Variants in KIF18B observed in about 807,000 individuals in gnomAD.
KIF18B encodes kinesin-like protein KIF18B.
A neutral mutation model predicts 80.9 loss-of-function variants in KIF18B; 49 were observed. The observed-to-expected ratio is 0.61, with a 90% CI of 0.48 to 0.77. The LOEUF is 0.77. KIF18B is among the 30% of genes least tolerant of loss of function. KIF18B has a pLI of 0.00. For synonymous variants in KIF18B, 439 were observed against 463.9 expected, an observed-to-expected ratio of 0.95 and a Z score of 0.69; for missense variants, 994 against 1,127.7, an observed-to-expected ratio of 0.88 and a Z score of 1.70.
chr17:44,939,343 C>G (rs2052371516), intron 1 of KIF18B, among the ~76,000 whole-genome samples: 1 of 124,750 alleles, frequency 8.0e-6, no homozygotes, highest in Non-Finnish European at 1.6e-5. Context: ...TGTACTCCAG[C>G]CTGGGTGACA....
chr17:44,938,539 T>C (rs1258486911), intron 1 of KIF18B, among the ~76,000 whole-genome samples: 1 of 152,248 alleles, frequency 6.6e-6, no homozygotes, highest in Non-Finnish European at 1.5e-5. Flanking sequence ...TAAATCCTCT[T>C]CTTATATTTC....
intron 11 of KIF18B, 51 bp downstream of exon 11, chr17:44,931,551 G>A (rs2052146077): frequency 3.7e-6 from 6 of 1,612,692 alleles, no homozygotes; most frequent in South Asian, 2.2e-5. Context: ...CAGGGAGGCT[G>A]AGCCCATTGC....
rs554954873 is a variant in KIF18B at position 44,933,904 on chromosome 17, G to A, written c.1062+19C>T. 6.1e-5 allele frequency: 94 copies of A among 1,542,194 alleles called. No individual in the cohort carries two copies. The highest frequency in any genetic ancestry group is 6.6e-5 in the Non-Finnish European group (75 of 1,143,102). On this transcript the variant is annotated intron_variant, in intron 7 of 15. Transcript: ENST00000593135. The stretch of plus-strand genomic sequence containing the variant: ...GCTGGAGCTGCCCCACGCCCAAGCC[G>A]GCCCTGGCTGGCACGCACCGAGAGC...
At chr17:44,945,396 G>C (rs1191213982) in intron 1 of KIF18B, among the ~76,000 whole-genome samples, 3 of 152,126 alleles carry the variant, frequency 2.0e-5, no homozygotes, top group Non-Finnish European at 2.9e-5. Context: ...GTTCTCTGCT[G>C]TTCTGTCTTA....
intron 1 of KIF18B, among the ~76,000 whole-genome samples, chr17:44,936,579 T>A (rs890943051): frequency 1.3e-4 from 7 of 55,330 alleles, no homozygotes; most frequent in African/African-American, 4.8e-4. Context: ...TCTCTCTCTC[T>A]CTCTCTCTCT....
At chr17:44,946,893 G>T (rs1397044300) in intron 1 of KIF18B, among the ~76,000 whole-genome samples, 1 of 152,004 alleles carries the variant, frequency 6.6e-6, no homozygotes, top group Non-Finnish European at 1.5e-5. Flanking sequence ...GGCCGAAGCG[G>T]CGGATCGCCT....
At chr17:44,926,601 G>C (rs1381415917) in intron 14 of KIF18B, 102 bp from the exon 15 acceptor site, 25 of 1,174,554 alleles carry the variant, frequency 2.1e-5, no homozygotes, top group Non-Finnish European at 2.9e-5. Flanking sequence ...TAAGCCCTGA[G>C]AGCAAAGGCT....
intron 3 of KIF18B, 44 bp downstream of exon 3, chr17:44,935,215 C>G (rs755042742): frequency 8.5e-6 from 13 of 1,537,034 alleles, no homozygotes; most frequent in African/African-American, 1.4e-5. Flanking sequence ...CTCACTTCCC[C>G]CCGGGTGGTT....
rs1215305285 is a variant in KIF18B at position 44,932,747 on chromosome 17, T to G, written c.1164A>C (p.Gln388His). The change falls in exon 9 of 16, where the codon CAA (glutamine) becomes CAC (histidine). Residue 388 changes from glutamine (Q) to histidine (H), a missense_variant. Transcript: ENST00000593135. ...GGGGCTGGCCTCCCCCCTCATACACTTGGAGCTTCTTCCTCAGAGCGGCTA... is the reference window on the plus strand; with the variant it reads ...GGGGCTGGCCTCCCCCCTCATACACGTGGAGCTTCTTCCTCAGAGCGGCTA... The part of the protein sequence containing the change: ...AEVAALRKKL[Q>H]VYEGGGQPPP... 6.2e-7 allele frequency: 1 copy of G among 1,613,390 alleles called. No homozygotes were observed. Among genetic ancestry groups the G allele is most frequent in the Non-Finnish European group, 8.5e-7 (1 of 1,179,708 alleles).
rs529670574 is a variant in KIF18B at position 44,938,078 on chromosome 17, C to T, written c.-14-1720G>A. Among the ~76,000 whole-genome samples the T allele has an allele frequency of 1.8e-3, 277 of 152,028 alleles. 1 individual carries two copies. Among genetic ancestry groups the T allele is most frequent in the African/African-American group, 6.3e-3 (263 of 41,464 alleles). On this transcript the variant is annotated intron_variant, in intron 1 of 15. Coordinates refer to ENST00000593135, the MANE Select transcript of KIF18B (RefSeq NM_001265577.2). ...TTGCCTAGGCTGGAGTGCAATGGTG[C>T]GATCTCAGCTCACTACAACCTCTGC...
chr17:44,944,237 A>AT (rs111836739), intron 1 of KIF18B, among the ~76,000 whole-genome samples: 67 of 147,048 alleles, frequency 4.6e-4, no homozygotes, highest in Non-Finnish European at 4.7e-4. Context: ...TTGACTTGTA[A>AT]TTTTTTTTTT....
At position 44,934,430 on chromosome 17, in the gene KIF18B, T is replaced by C; in HGVS notation, c.688A>G (p.Ile230Val). ...TSSRSHAIFQ[I>V]FVKQQDRVPG... ...ACCCGGTCCTGCTGCTTCACAAAGATCTGAAGGCAGATGGCAGGGGTGAGG... is the reference window on the plus strand; with the variant it reads ...ACCCGGTCCTGCTGCTTCACAAAGACCTGAAGGCAGATGGCAGGGGTGAGG... Residue 230 changes from isoleucine (I) to valine (V), a missense_variant and splice_region_variant, in exon 6 of 16, where the codon ATC becomes GTC. Coordinates refer to ENST00000593135, the MANE Select transcript of KIF18B (RefSeq NM_001265577.2). This position sits in a 1 kb window ranked among gnomAD's most constrained non-coding sequence, Gnocchi z 5.4. The C allele has an allele frequency of 6.2e-7, 1 of 1,605,582 alleles. No homozygotes were observed. The highest frequency in any genetic ancestry group is 8.5e-7 in the Non-Finnish European group (1 of 1,175,354).
Position 44,932,736 on chromosome 17 carries a change from C to A in KIF18B, c.1175G>T (p.Gly392Val). ...GTCCTGTGGTGGGGGCTGGCCTCCCCCCTCATACACTTGGAGCTTCTTCCT... is the reference window on the plus strand; with the variant it reads ...GTCCTGTGGTGGGGGCTGGCCTCCCACCTCATACACTTGGAGCTTCTTCCT... The part of the protein sequence containing the change: ...ALRKKLQVYE[G>V]GGQPPPQDLP... Residue 392 changes from glycine to valine, a missense_variant, in exon 9 of 16, where the codon GGG becomes GTG. By Grantham distance (109) the Gly-to-Val change is moderately radical (BLOSUM62 -3). Coordinates refer to ENST00000593135, the MANE Select transcript of KIF18B (RefSeq NM_001265577.2). 2 of 1,613,332 alleles carry A rather than the reference C, an allele frequency of 1.2e-6. No individual in the cohort carries two copies. The highest frequency in any genetic ancestry group is 1.7e-6 in the Non-Finnish European group (2 of 1,179,728).
intron 1 of KIF18B, 42 bp from the exon 2 acceptor site, chr17:44,936,400 G>T: frequency 6.5e-7 from 1 of 1,528,944 alleles, no homozygotes; most frequent in Non-Finnish European, 8.8e-7. Context: ...TCCCACCCCA[G>T]GCCTGACCAG....
At chr17:44,933,233 C>T (rs1442000598) in intron 7 of KIF18B, among the ~76,000 whole-genome samples, 1 of 151,962 alleles carries the variant, frequency 6.6e-6, no homozygotes, top group Non-Finnish European at 1.5e-5. Context: ...CCCAGGAGAG[C>T]CAGGGCTCCC....
chr17:44,943,588 C>G (rs560018608), intron 1 of KIF18B, among the ~76,000 whole-genome samples: 1 of 152,102 alleles, frequency 6.6e-6, no homozygotes, highest in Admixed American at 6.5e-5. Context: ...TATAAAGAAT[C>G]CTTCTACTAT....
At position 44,926,249 on chromosome 17, in the gene KIF18B, C is replaced by T. The variant is rs182598153; in HGVS notation, c.2453-63G>A. 39 of 1,601,624 alleles carry T rather than the reference C, an allele frequency of 2.4e-5. No individual in the cohort carries two copies. The Middle Eastern group carries it at 1.2e-3, about 49-fold the overall frequency. On this transcript the variant is annotated intron_variant, in intron 15 of 15. Coordinates refer to ENST00000593135, the MANE Select transcript of KIF18B (RefSeq NM_001265577.2). Reference sequence around the variant, plus strand: ...AGGAAGGAAAGTGACGCTCTGTCCCCGTCCTCCAGCCCACCTCCCACCTGT... The same window carrying T: ...AGGAAGGAAAGTGACGCTCTGTCCCTGTCCTCCAGCCCACCTCCCACCTGT...
In KIF18B at chr17:44,927,398, G is replaced by A. The variant is rs2052051638; in HGVS notation, c.2277-320C>T. On this transcript the variant is annotated intron_variant, in intron 13 of 15. Transcript: ENST00000593135. This position sits in a 1 kb window ranked among gnomAD's most constrained non-coding sequence, Gnocchi z 4.1. ...CTCGGGCTATGGAATGGGCGGGTGC[G>A]TGGGTGGGCAGAGCCTGCCAGCCTC... Among the ~76,000 whole-genome samples, 1 of 152,172 alleles carries A rather than the reference G, an allele frequency of 6.6e-6. No individual in the cohort carries two copies.
At position 44,936,301 on chromosome 17, in the gene KIF18B, C is replaced by T. The variant is rs1416469656; in HGVS notation, c.44G>A (p.Arg15Gln). The change falls in exon 2 of 16, where the codon CGG becomes CAG. Residue 15 changes from arginine (R) to glutamine (Q), a missense_variant. By Grantham distance (43) the Arg-to-Gln change is conservative (BLOSUM62 1). Transcript: ENST00000593135. ...GTCCAGCTCCCGAGGGGTGGGGGGC[C>T]GCACCCGTACCACTACTTGCAGCGT... ...DSTLQVVVRVRPPTPRELDSQ... is the reference protein window; with the variant it reads ...DSTLQVVVRVQPPTPRELDSQ... 2.5e-6 allele frequency: 4 copies of T among 1,609,856 alleles called. No individual in the cohort carries two copies. The highest frequency in any genetic ancestry group is 1.7e-5 in the Admixed American group (1 of 59,622).
Sources: allele counts gnomAD v4.1 joint callset (sites outside exome capture counted in the v4.1 genomes callset), GRCh38; gene constraint gnomAD v4.1.1; non-coding constraint Gnocchi (gnomAD v3.1); transcripts MANE v1.5; gene names NCBI Gene and HGNC (gene_info 2026-07-23, HGNC 2026-07-21).